JPH2: variants seen among roughly 807,000 people sequenced by gnomAD.
JPH2 encodes junctophilin-2.
JPH2 carries 38 observed loss-of-function variants against 55.9 expected under a neutral mutation model. That is an observed-to-expected ratio of 0.68 (90% confidence interval 0.52 to 0.89). JPH2 has a LOEUF of 0.89. JPH2 is among the 40% of genes least tolerant of loss of function. The pLI is 0.00. For synonymous variants in JPH2, 480 were observed against 472.4 expected (o/e 1.02, Z -0.21); for missense variants, 964 against 1,037.6 (o/e 0.93, Z 0.97).
At chr20:44,149,948 G>A (rs1474427395) in intron 2 of JPH2, among the ~76,000 whole-genome samples, 1 of 127,332 alleles carries the variant, frequency 7.9e-6, no homozygotes, top group Non-Finnish European at 1.6e-5. Context: ...CTGCACTCCA[G>A]CCTGGGCGAC....
At chr20:44,139,609 T>C (rs546685768) in intron 2 of JPH2, among the ~76,000 whole-genome samples, 50 of 152,366 alleles carry the variant, frequency 3.3e-4, no homozygotes, top group African/African-American at 1.2e-3. Context: ...AATATGCTAC[T>C]TTTTGTGTAA....
At chr20:44,146,665 G>T (rs937046827) in intron 2 of JPH2, among the ~76,000 whole-genome samples, 1 of 152,202 alleles carries the variant, frequency 6.6e-6, no homozygotes, top group Admixed American at 6.5e-5. Context: ...AGGTAAGCCA[G>T]AGACACTGAG....
chr20:44,186,326 C>G lies in JPH2; in HGVS notation c.379+1G>C. On this transcript the variant is annotated splice_donor_variant, in intron 1 of 5. Transcript: ENST00000372980. LOFTEE classifies it high-confidence loss of function. ...CTCTGCGGGCCCCCAGCTGGCCTCA[C>G]CTCCATCAGCATAGGTCTCGGTGCC... The G allele has an allele frequency of 6.2e-7, 1 of 1,610,868 alleles. No individual in the cohort carries two copies. The highest frequency in any genetic ancestry group is 8.5e-7 in the Non-Finnish European group (1 of 1,179,908).
At chr20:44,114,402 A>G (rs760869710) in intron 5 of JPH2, among the ~76,000 whole-genome samples, 1 of 152,142 alleles carries the variant, frequency 6.6e-6, no homozygotes, top group Non-Finnish European at 1.5e-5. Context: ...GTTCAGGGTT[A>G]CTTTCATTAT....
rs2072587917 is a variant in JPH2 at position 44,159,472 on chromosome 20, C to T, written c.1169+146G>A. The T allele has an allele frequency of 2.1e-5, 17 of 814,640 alleles. No individual in the cohort carries two copies. The South Asian group carries it at 2.4e-4, about 11-fold the overall frequency. The allele number at this position is 814,640 out of a possible 1,614,324, so 50.5% of individuals were successfully genotyped here. On this transcript the variant is annotated intron_variant, in intron 2 of 5. Transcript: ENST00000372980. The surrounding 1 kb of genome is among the most constrained non-coding windows in gnomAD (Gnocchi z 5.7). ...GTGAGTGAACAGGAGCCACCAGCTCCCGAAGAGCCTCCAATTAACCCCTGA... is the reference window on the plus strand; with the variant it reads ...GTGAGTGAACAGGAGCCACCAGCTCTCGAAGAGCCTCCAATTAACCCCTGA...
At chr20:44,147,720 T>C (rs1470766997) in intron 2 of JPH2, among the ~76,000 whole-genome samples, 1 of 152,200 alleles carries the variant, frequency 6.6e-6, no homozygotes, top group Non-Finnish European at 1.5e-5. Flanking sequence ...AGATATGTTG[T>C]TTAGAACAAT....
At chr20:44,118,441 G>T in intron 3 of JPH2, 64 bp downstream of exon 3, 1 of 1,264,646 alleles carries the variant, frequency 7.9e-7, no homozygotes. Flanking sequence ...ATTCCAGTAA[G>T]CAAAGAAAAG....
At position 44,160,134 on chromosome 20, in the gene JPH2, C is replaced by T. The variant is rs2145879368; in HGVS notation, c.653G>A (p.Gly218Asp). Residue 218 changes from glycine (G) to aspartate (D), a missense_variant, in exon 2 of 6, where the codon GGC becomes GAC. Physicochemically the swap from Gly to Asp is moderately conservative, Grantham distance 94. Coordinates refer to ENST00000372980, the MANE Select transcript of JPH2 (RefSeq NM_020433.5). This position sits in a 1 kb window ranked among gnomAD's most constrained non-coding sequence, Gnocchi z 4.9. ...AEAAARAPKG[G>D]GLFQRGALLG... ...CAGCGCGCCCCGCTGGAAGAGGCCG[C>T]CGCCCTTGGGCGCCCGCGCGGCCGC... 1 of 1,480,784 alleles carries T rather than the reference C, an allele frequency of 6.8e-7. No homozygotes were observed. The highest frequency in any genetic ancestry group is 2.3e-5 in the Admixed American group (1 of 42,600). The allele number at this position is 1,480,784 out of a possible 1,614,324, so 91.7% of individuals were successfully genotyped here.
intron 1 of JPH2, among the ~76,000 whole-genome samples, chr20:44,183,061 G>A (rs1306588010): frequency 6.6e-6 from 1 of 151,726 alleles, no homozygotes; most frequent in Admixed American, 6.6e-5. Flanking sequence ...ACACAGACAC[G>A]TGCACACACA....
intron 2 of JPH2, among the ~76,000 whole-genome samples, chr20:44,147,191 A>G (rs1036124720): frequency 2.0e-5 from 3 of 152,200 alleles, no homozygotes; most frequent in Non-Finnish European, 4.4e-5. Context: ...GTGAATTGCC[A>G]TTATATTCCC....
At position 44,127,031 on chromosome 20, in the gene JPH2, C is replaced by T. The variant is rs2072281779; in HGVS notation, c.1170-8408G>A. ...ATTATTGTTTCTGTTACTATTATAA[C>T]AATGCTGACCAGCATTCACTTCCAA... On this transcript the variant is annotated intron_variant, in intron 2 of 5. Transcript: ENST00000372980. Among the ~76,000 whole-genome samples the T allele has an allele frequency of 2.0e-5, 3 of 152,342 alleles. No homozygotes were observed. In the South Asian group the frequency reaches 6.2e-4, roughly 32 times the overall value.
intron 5 of JPH2, 117 bp downstream of exon 5, chr20:44,114,665 A>G (rs1299585572): frequency 4.1e-6 from 3 of 735,426 alleles, no homozygotes; most frequent in African/African-American, 1.8e-5. Context: ...GTGGGCCTCA[A>G]TTAGTCACAG....
chr20:44,132,241 T>TAAACAGAC (rs1481690389), intron 2 of JPH2, among the ~76,000 whole-genome samples: 1 of 152,088 alleles, frequency 6.6e-6, no homozygotes, highest in Non-Finnish European at 1.5e-5. Context: ...AACATTTGTG[T>TAAACAGAC]AAACAGACAA....
chr20:44,146,877 T>C (rs2072497413), intron 2 of JPH2, among the ~76,000 whole-genome samples: 1 of 152,198 alleles, frequency 6.6e-6, no homozygotes, highest in Admixed American at 6.5e-5. Flanking sequence ...GGTTATAAAT[T>C]GCAACCCTTT....
chr20:44,173,065 C>A (rs1311226580), intron 1 of JPH2, among the ~76,000 whole-genome samples: 3 of 152,136 alleles, frequency 2.0e-5, no homozygotes, highest in Non-Finnish European at 4.4e-5. Context: ...GGACATAGAC[C>A]AAACTAACTA....
chr20:44,127,328 C>A (rs745702424), intron 2 of JPH2, among the ~76,000 whole-genome samples: 1 of 152,006 alleles, frequency 6.6e-6, no homozygotes, highest in Non-Finnish European at 1.5e-5. Context: ...TACCTAGGAG[C>A]AGAATTGCTG....
At chr20:44,133,642 G>A (rs2072340635) in intron 2 of JPH2, among the ~76,000 whole-genome samples, 1 of 151,604 alleles carries the variant, frequency 6.6e-6, no homozygotes, top group African/African-American at 2.4e-5. Flanking sequence ...CCCCTTCTAT[G>A]TCAGGGCAGG....
At chr20:44,182,718 T>A (rs1385177349) in intron 1 of JPH2, among the ~76,000 whole-genome samples, 1 of 152,178 alleles carries the variant, frequency 6.6e-6, no homozygotes, top group African/African-American at 2.4e-5. Flanking sequence ...CCTCTGTTAG[T>A]TTTTTCCATA....
In JPH2 at chr20:44,110,719, C is replaced by A. The variant is rs2072136098; in HGVS notation, c.*2799G>T. On this transcript the variant is annotated 3_prime_UTR_variant, in exon 6 of 6. Transcript: ENST00000372980. ...ACGTGCTGGAATTATAGGTGTGAGC[C>A]ACCATGCCCAGCTTAAAACCTCTTT... 6.6e-6 allele frequency among the ~76,000 whole-genome samples: 1 copy of A among 152,200 alleles called. No individual in the cohort carries two copies. Among genetic ancestry groups the A allele is most frequent in the Admixed American group, 6.5e-5 (1 of 15,278 alleles).
Sources: allele counts gnomAD v4.1 joint callset (sites outside exome capture counted in the v4.1 genomes callset), GRCh38; gene constraint gnomAD v4.1.1; non-coding constraint Gnocchi (gnomAD v3.1); transcripts MANE v1.5; gene names NCBI Gene and HGNC (gene_info 2026-07-23, HGNC 2026-07-21).